ATG5: variants seen among roughly 807,000 people sequenced by gnomAD.
ATG5 encodes autophagy related 5, also known as autophagy protein 5.
Under a neutral mutation model 36.5 loss-of-function variants are expected in ATG5, and 14 were observed. The ratio of observed to expected loss-of-function variants is 0.38; its 90% CI spans 0.25 to 0.60. The LOEUF (loss-of-function observed/expected upper bound fraction) is 0.60, where lower values mean the gene tolerates loss of function less well. Ranked by LOEUF, ATG5 falls within the 20% of genes least tolerant of loss-of-function variation. ATG5 has a pLI of 0.60. For synonymous variants in ATG5, 95 were observed against 101.5 expected, an observed-to-expected ratio of 0.94 and a Z score of 0.38; for missense variants, 195 against 326.7, an observed-to-expected ratio of 0.60 and a Z score of 3.11.
intron 5 of ATG5, among the ~76,000 whole-genome samples, chr6:106,253,602 G>A (rs182788407): frequency 3.0e-4 from 45 of 152,148 alleles, no homozygotes; most frequent in African/African-American, 1.0e-3. Context: ...ACTTCTCTCC[G>A]TGTTCACCAC....
At chr6:106,264,099 A>C (rs772687498) in intron 5 of ATG5, among the ~76,000 whole-genome samples, 1 of 152,162 alleles carries the variant, frequency 6.6e-6, no homozygotes, top group Non-Finnish European at 1.5e-5. Context: ...AATCTTGATA[A>C]AAGGTTATAG....
intron 7 of ATG5, among the ~76,000 whole-genome samples, chr6:106,193,816 T>A (rs1221258653): frequency 6.6e-6 from 1 of 152,214 alleles, no homozygotes; most frequent in Non-Finnish European, 1.5e-5. Flanking sequence ...TGTTTACATA[T>A]GGTCAGAATG....
intron 5 of ATG5, among the ~76,000 whole-genome samples, chr6:106,272,416 T>A (rs776937873): frequency 6.6e-6 from 1 of 152,226 alleles, no homozygotes. Flanking sequence ...GACTTCCAGT[T>A]TGACCTCCTT....
intron 6 of ATG5, among the ~76,000 whole-genome samples, chr6:106,209,219 A>G (rs991814319): frequency 3.9e-5 from 6 of 152,168 alleles, no homozygotes; most frequent in African/African-American, 1.2e-4. Flanking sequence ...AAACTTATAC[A>G]TGAACGTTCA....
At chr6:106,311,376 G>A (rs1207585410) in intron 2 of ATG5, among the ~76,000 whole-genome samples, 2 of 152,164 alleles carry the variant, frequency 1.3e-5, no homozygotes, top group South Asian at 2.1e-4. Flanking sequence ...TGAGTTTCAC[G>A]GGAGGCCTTG....
intron 5 of ATG5, among the ~76,000 whole-genome samples, chr6:106,254,029 C>CTTACTAAG (rs1778703096): frequency 6.6e-6 from 1 of 152,186 alleles, no homozygotes; most frequent in Non-Finnish European, 1.5e-5. Context: ...ACCTTACTAA[C>CTTACTAAG]TTACTAAGTT....
intron 6 of ATG5, among the ~76,000 whole-genome samples, chr6:106,203,992 C>T (rs1173661860): frequency 6.6e-6 from 1 of 152,148 alleles, no homozygotes; most frequent in South Asian, 2.1e-4. Context: ...AAACCAAACA[C>T]CTCATGTTCT....
At chr6:106,245,254 T>C (rs950911972) in intron 6 of ATG5, among the ~76,000 whole-genome samples, 10 of 152,178 alleles carry the variant, frequency 6.6e-5, no homozygotes, top group African/African-American at 2.4e-4. Context: ...ATAAATGAAT[T>C]ACAGATGAAA....
chr6:106,223,931 T>G (rs183413636), intron 6 of ATG5, among the ~76,000 whole-genome samples: 34 of 152,366 alleles, frequency 2.2e-4, no homozygotes, highest in Non-Finnish European at 4.0e-4. Context: ...TTAAATTAGT[T>G]AATTCTTCCA....
chr6:106,281,466 C>T (rs930142851), intron 4 of ATG5, among the ~76,000 whole-genome samples: 3 of 152,144 alleles, frequency 2.0e-5, no homozygotes, highest in African/African-American at 7.2e-5. Context: ...TTTCACTTAG[C>T]ATATTTTTGA....
intron 7 of ATG5, among the ~76,000 whole-genome samples, chr6:106,200,621 C>T (rs576824286): frequency 5.9e-5 from 9 of 152,110 alleles, no homozygotes; most frequent in African/African-American, 1.9e-4. Flanking sequence ...ACTACAGGCG[C>T]CCCGCCACCA....
chr6:106,243,724 G>A (rs1372209274), intron 6 of ATG5, among the ~76,000 whole-genome samples: 8 of 151,728 alleles, frequency 5.3e-5, no homozygotes, highest in African/African-American at 7.3e-5. Context: ...CTAGCTACTC[G>A]GGAGGCTGAG....
intron 3 of ATG5, 90 bp downstream of exon 3, chr6:106,308,274 C>G: frequency 8.6e-7 from 1 of 1,164,784 alleles, no homozygotes; most frequent in Non-Finnish European, 1.1e-6. Context: ...TCTATCCTCG[C>G]AGGACTTTTT....
chr6:106,204,578 G>A (rs140155066), intron 6 of ATG5, among the ~76,000 whole-genome samples: 5 of 152,214 alleles, frequency 3.3e-5, no homozygotes, highest in African/African-American at 9.6e-5. Context: ...CCCATGTGTC[G>A]AGGGAGGGAG....
intron 6 of ATG5, among the ~76,000 whole-genome samples, chr6:106,207,539 AAAAAAAAG>A (rs1188209930): frequency 6.6e-6 from 1 of 151,722 alleles, no homozygotes; most frequent in East Asian, 1.9e-4. Context: ...CATCTCTTAA[AAAAAAAAG>A]AAAGAAAGAA....
At chr6:106,218,451 A>G (rs1344569862) in intron 6 of ATG5, among the ~76,000 whole-genome samples, 1 of 152,196 alleles carries the variant, frequency 6.6e-6, no homozygotes, top group Non-Finnish European at 1.5e-5. Context: ...TAAAGCAACA[A>G]AACTATTCAA....
rs151224461 is a variant in ATG5, at chr6:106,244,944, A to G, written c.573+3206T>C. ...ACCAATGCCTAAGGAATTCACAGTC[A>G]TTTTACAAATCTTTTTGACAAATGC... On this transcript the variant is annotated intron_variant, in intron 6 of 7. Transcript: ENST00000369076. Among the ~76,000 whole-genome samples the G allele has an allele frequency of 6.4e-3, 971 of 152,336 alleles. 12 individuals carry two copies. Among genetic ancestry groups the G allele is most frequent in the African/African-American group, 0.022 (910 of 41,584 alleles).
At chr6:106,200,477 A>AT (rs5878872) in intron 7 of ATG5, among the ~76,000 whole-genome samples, 9,749 of 144,306 alleles carry the variant, frequency 0.068, 689 homozygotes, top group East Asian at 0.26. Context: ...CAACTCTGCA[A>AT]TTTTTTTTTT....
intron 6 of ATG5, among the ~76,000 whole-genome samples, chr6:106,208,153 T>C (rs138542505): frequency 1.6e-3 from 236 of 151,302 alleles, no homozygotes; most frequent in African/African-American, 5.5e-3. Flanking sequence ...TGGACACAAC[T>C]ACCTATCTTT....
Sources: gnomAD v4.1 joint callset for allele counts (sites outside exome capture counted in the v4.1 genomes callset) on GRCh38, gnomAD v4.1.1 for gene constraint, MANE v1.5 for transcripts, NCBI Gene and HGNC (gene_info 2026-07-23, HGNC 2026-07-21) for gene names.